Variants in SLAMF6 observed in about 807,000 individuals in gnomAD.
The protein encoded by SLAMF6 is NK-T-B-antigen.
A neutral mutation model predicts 38.3 loss-of-function variants in SLAMF6; 21 were observed. That is an observed-to-expected ratio of 0.55 (90% CI 0.39 to 0.79). The LOEUF (loss-of-function observed/expected upper bound fraction) is 0.79, where lower values mean the gene tolerates loss of function less well. SLAMF6 is among the 30% of genes least tolerant of loss of function. The pLI, the probability that SLAMF6 is intolerant of heterozygous loss-of-function variation, is 0.00. For synonymous variants in SLAMF6, 152 were observed against 146.3 expected (o/e 1.04, Z -0.28); for missense variants, 341 against 385.3 (o/e 0.89, Z 0.96).
intron 2 of SLAMF6, among the ~76,000 whole-genome samples, chr1:160,494,238 A>G (rs560241122): frequency 6.6e-6 from 1 of 152,282 alleles, no homozygotes; most frequent in East Asian, 1.9e-4. Flanking sequence ...TTTGAAGGAG[A>G]TGGCACTCTA....
At chr1:160,506,030 A>C (rs1305878018) in intron 1 of SLAMF6, among the ~76,000 whole-genome samples, 2 of 150,818 alleles carry the variant, frequency 1.3e-5, no homozygotes, top group Non-Finnish European at 2.9e-5. Flanking sequence ...ACACCATCAA[A>C]AATACCAAAA....
intron 2 of SLAMF6, among the ~76,000 whole-genome samples, chr1:160,493,665 A>G (rs181083942): frequency 6.6e-6 from 1 of 152,308 alleles, no homozygotes; most frequent in Admixed American, 6.5e-5. Context: ...GATTTTCTTA[A>G]CACTGAACTC....
At chr1:160,507,552 A>G (rs2102050932) in intron 1 of SLAMF6, among the ~76,000 whole-genome samples, 1 of 152,240 alleles carries the variant, frequency 6.6e-6, no homozygotes, top group Non-Finnish European at 1.5e-5. Flanking sequence ...TAACATATAT[A>G]TGAAAAACAC....
intron 1 of SLAMF6, among the ~76,000 whole-genome samples, chr1:160,513,243 C>G (rs768497621): frequency 7.2e-5 from 11 of 151,760 alleles, no homozygotes; most frequent in Non-Finnish European, 1.0e-4. Flanking sequence ...GCCGAATAGA[C>G]CAAGTGGAGG....
chr1:160,518,579 T>C (rs1367491221), intron 1 of SLAMF6, among the ~76,000 whole-genome samples: 1 of 152,170 alleles, frequency 6.6e-6, no homozygotes, highest in East Asian at 1.9e-4. Context: ...CACCACGGAA[T>C]ACTATGCAGC....
In SLAMF6 at chr1:160,499,333, C is replaced by T. The variant is rs536114703; in HGVS notation, c.50-2940G>A. ...AACAGGGAGTCCTTTCCCCATTGCTCGCTTTTGTTGGCCTTGTCAAAAATC... is the reference window on the plus strand; with the variant it reads ...AACAGGGAGTCCTTTCCCCATTGCTTGCTTTTGTTGGCCTTGTCAAAAATC... On this transcript the variant is annotated intron_variant, in intron 1 of 7. Transcript: ENST00000368057. Among the ~76,000 whole-genome samples the T allele has an allele frequency of 1.4e-4, 21 of 152,186 alleles. No homozygotes were observed. The South Asian group carries it at 1.5e-3, about 11-fold the overall frequency.
chr1:160,500,776 T>C (rs947654811), intron 1 of SLAMF6, among the ~76,000 whole-genome samples: 33 of 152,270 alleles, frequency 2.2e-4, no homozygotes, highest in African/African-American at 7.9e-4. Context: ...AATGGACATA[T>C]CTCCATCCCT....
chr1:160,487,243 AG>A (rs1203622325), intron 6 of SLAMF6, 68 bp from the exon 7 acceptor site: 1 of 1,363,000 alleles, frequency 7.3e-7, no homozygotes, highest in Non-Finnish European at 1.0e-6. Context: ...ATATATTCTT[AG>A]GAAAGACTGT....
intron 1 of SLAMF6, among the ~76,000 whole-genome samples, chr1:160,516,377 T>A (rs1026122278): frequency 1.3e-5 from 2 of 152,178 alleles, no homozygotes; most frequent in African/African-American, 4.8e-5. Flanking sequence ...TGGAAAAATA[T>A]TCTGTGCTCA....
intron 1 of SLAMF6, among the ~76,000 whole-genome samples, chr1:160,513,735 A>G (rs181733144): frequency 2.0e-5 from 3 of 152,362 alleles, no homozygotes; most frequent in East Asian, 3.9e-4. Context: ...AGAATTTTCA[A>G]CCCAGAATCT....
intron 4 of SLAMF6, 151 bp from the exon 5 acceptor site, chr1:160,490,387 A>T (rs1557934170): frequency 7.3e-7 from 1 of 1,367,812 alleles, no homozygotes; most frequent in Non-Finnish European, 1.0e-6. Flanking sequence ...CCAGTAGGAC[A>T]TTTCTCTCAG....
At position 160,489,115 on chromosome 1, in the gene SLAMF6, C is replaced by T; in HGVS notation, c.852G>A (p.Val284=). ...TGTTTGAATGAGTGACTGAAGCATA[C>T]ACAGTGTTGTTCGTTGGAGACACTG... ...YVSVSPTNNT[V]YASVTHSNRE... The change falls in exon 6 of 8, where the codon GTG becomes GTA. Residue 284 remains valine, a synonymous_variant. Transcript: ENST00000368057. 1.2e-6 allele frequency: 2 copies of T among 1,613,900 alleles called. No individual in the cohort carries two copies. Among genetic ancestry groups the T allele is most frequent in the Non-Finnish European group, 1.7e-6 (2 of 1,179,820 alleles).
chr1:160,521,796 A>C (rs1571322413), intron 1 of SLAMF6, among the ~76,000 whole-genome samples: 1 of 152,040 alleles, frequency 6.6e-6, no homozygotes, highest in Non-Finnish European at 1.5e-5. Context: ...TCCACCTTCC[A>C]ATTTTGTCAC....
intron 1 of SLAMF6, among the ~76,000 whole-genome samples, chr1:160,516,048 G>A (rs1238291877): frequency 6.6e-5 from 10 of 152,150 alleles, no homozygotes; most frequent in Non-Finnish European, 1.3e-4. Flanking sequence ...CACACAGGAA[G>A]AGAGGAAGTC....
rs566557106 is a variant in SLAMF6 at position 160,487,903 on chromosome 1, A to G, written c.880-728T>C. Among the ~76,000 whole-genome samples, 146 of 152,284 alleles carry G rather than the reference A, an allele frequency of 9.6e-4. 1 individual carries two copies. Among genetic ancestry groups the G allele is most frequent in the Non-Finnish European group, 8.8e-4 (60 of 68,016 alleles). ...GCAGAAGTTTGAGACCAGCCTGGGCAACATGGTGAAACCCCGTCTCTACAA... is the reference window on the plus strand; with the variant it reads ...GCAGAAGTTTGAGACCAGCCTGGGCGACATGGTGAAACCCCGTCTCTACAA... On this transcript the variant is annotated intron_variant, in intron 6 of 7. Coordinates refer to ENST00000368057, the MANE Select transcript of SLAMF6 (RefSeq NM_001184714.2).
chr1:160,488,944 C>T (rs186835001), intron 6 of SLAMF6, 144 bp downstream of exon 6: 56 of 704,626 alleles, frequency 7.9e-5, no homozygotes, highest in Middle Eastern at 2.4e-4. Flanking sequence ...AGTGGTCTAG[C>T]GCATAACTTT....
At chr1:160,517,088 A>C (rs760354364) in intron 1 of SLAMF6, among the ~76,000 whole-genome samples, 6 of 152,244 alleles carry the variant, frequency 3.9e-5, no homozygotes, top group Non-Finnish European at 8.8e-5. Flanking sequence ...ACAGAGTGGG[A>C]GAAAATTTTT....
At chr1:160,491,804 C>G (rs1008962216) in intron 2 of SLAMF6, among the ~76,000 whole-genome samples, 1 of 152,128 alleles carries the variant, frequency 6.6e-6, no homozygotes. Context: ...GCCAAGAGAC[C>G]AGGTGGAAGA....
intron 1 of SLAMF6, among the ~76,000 whole-genome samples, chr1:160,498,602 C>A (rs967586024): frequency 6.6e-6 from 1 of 152,160 alleles, no homozygotes; most frequent in Non-Finnish European, 1.5e-5. Flanking sequence ...CCCCCAGATT[C>A]AATTACCTCC....
Sources: gnomAD v4.1 joint callset for allele counts (sites outside exome capture counted in the v4.1 genomes callset) on GRCh38, gnomAD v4.1.1 for gene constraint, MANE v1.5 for transcripts, NCBI Gene and HGNC (gene_info 2026-07-23, HGNC 2026-07-21) for gene names.